The following SUMF1 variants were observed in gnomAD, a reference collection of about 807,000 sequenced individuals.
The protein encoded by SUMF1 is formylglycine-generating enzyme.
Under a neutral mutation model 47.6 loss-of-function variants are expected in SUMF1, and 48 were observed. That is an observed-to-expected ratio of 1.01 (90% CI 0.80 to 1.28). SUMF1 has a LOEUF of 1.28. Ranked by LOEUF, SUMF1 falls within the 50% of genes most tolerant of loss-of-function variation. The pLI, the probability that SUMF1 is intolerant of heterozygous loss-of-function variation, is 0.00. For missense variants in SUMF1, 571 were observed against 485.4 expected, an observed-to-expected ratio of 1.18 and a Z score of -1.66; for synonymous variants, 230 against 192.1, an observed-to-expected ratio of 1.20 and a Z score of -1.63.
At chr3:4,204,592 C>G (rs1023417429) in intron 8 of SUMF1, among the ~76,000 whole-genome samples, 6 of 152,094 alleles carry the variant, frequency 3.9e-5, no homozygotes, top group Admixed American at 6.5e-5. Flanking sequence ...TCTCTACCTC[C>G]TCTTTAAGGC....
At chr3:4,304,570 C>G (rs1198122753) in intron 8 of SUMF1, among the ~76,000 whole-genome samples, 1 of 152,190 alleles carries the variant, frequency 6.6e-6, no homozygotes, top group Non-Finnish European at 1.5e-5. Flanking sequence ...GCTTAGACAT[C>G]TTAGCTACTT....
chr3:4,234,421 T>C (rs1696365334), intron 8 of SUMF1, among the ~76,000 whole-genome samples: 1 of 152,090 alleles, frequency 6.6e-6, no homozygotes, highest in South Asian at 2.1e-4. Flanking sequence ...TCTGCTTTTG[T>C]TTTATCCTCC....
At chr3:4,103,343 G>T (rs1366006198) in intron 8 of SUMF1, among the ~76,000 whole-genome samples, 1 of 152,014 alleles carries the variant, frequency 6.6e-6, no homozygotes, top group Admixed American at 6.6e-5. Context: ...CATATTAGAT[G>T]AATTATAACC....
At chr3:4,350,296 A>T (rs1197579184) in intron 8 of SUMF1, among the ~76,000 whole-genome samples, 1 of 151,946 alleles carries the variant, frequency 6.6e-6, no homozygotes, top group African/African-American at 2.4e-5. Context: ...TTCTGGGATT[A>T]CAGGCTTGAG....
intron 8 of SUMF1, among the ~76,000 whole-genome samples, chr3:4,230,904 C>T (rs1344952937): frequency 6.6e-6 from 1 of 152,116 alleles, no homozygotes; most frequent in African/African-American, 2.4e-5. Flanking sequence ...TATTTTATCA[C>T]ATATGGGTTC....
At chr3:4,395,327 ATT>A (rs1023098161) in intron 7 of SUMF1, among the ~76,000 whole-genome samples, 1 of 151,464 alleles carries the variant, frequency 6.6e-6, no homozygotes. Flanking sequence ...AATAATTTGT[ATT>A]TTTTTTTACC....
chr3:4,386,814 G>C (rs529856427), intron 7 of SUMF1, among the ~76,000 whole-genome samples: 1 of 151,356 alleles, frequency 6.6e-6, no homozygotes, highest in African/African-American at 2.4e-5. Flanking sequence ...TGTTATAAAT[G>C]AGTGTTGAAG....
intron 8 of SUMF1, among the ~76,000 whole-genome samples, chr3:4,218,727 G>A (rs552294754): frequency 5.9e-5 from 9 of 152,234 alleles, no homozygotes; most frequent in Middle Eastern, 3.4e-3. Flanking sequence ...ATTACTACAG[G>A]CAATGAGCAT....
intron 8 of SUMF1, among the ~76,000 whole-genome samples, chr3:4,093,997 T>C (rs1692844982): frequency 6.6e-6 from 1 of 152,090 alleles, no homozygotes; most frequent in Non-Finnish European, 1.5e-5. Context: ...CATTCAAGAA[T>C]GATACAGTAA....
intron 8 of SUMF1, among the ~76,000 whole-genome samples, chr3:4,073,258 T>C (rs150696579): frequency 1.3e-3 from 192 of 152,220 alleles, no homozygotes; most frequent in African/African-American, 4.1e-3. Context: ...AAAGGAGAAA[T>C]AAGATCCTTT....
chr3:4,268,885 TGTGTGC>T (rs919602297), intron 8 of SUMF1, among the ~76,000 whole-genome samples: 2 of 152,184 alleles, frequency 1.3e-5, no homozygotes, highest in Non-Finnish European at 2.9e-5. Context: ...AATGTGTGTG[TGTGTGC>T]GTGTGTGTAT....
At chr3:4,271,514 GATAGA>G (rs869242481) in intron 8 of SUMF1, among the ~76,000 whole-genome samples, 17,048 of 146,354 alleles carry the variant, frequency 0.12, 1,141 homozygotes, top group Middle Eastern at 0.15. Context: ...TAGATAGATA[GATAGA>G]TACAGAGAGG....
intron 1 of SUMF1, among the ~76,000 whole-genome samples, chr3:4,464,791 C>A (rs746346816): frequency 6.6e-6 from 1 of 152,134 alleles, no homozygotes; most frequent in East Asian, 1.9e-4. Context: ...AACAAGACTG[C>A]TTCAGTTTCA....
At chr3:4,391,308 T>C (rs772151888) in intron 7 of SUMF1, among the ~76,000 whole-genome samples, 18 of 152,318 alleles carry the variant, frequency 1.2e-4, no homozygotes, top group Admixed American at 3.3e-4. Flanking sequence ...CTTGGATTTA[T>C]AGATAATCTT....
intron 8 of SUMF1, among the ~76,000 whole-genome samples, chr3:4,134,695 A>G (rs773441888): frequency 4.6e-5 from 7 of 152,118 alleles, no homozygotes; most frequent in Non-Finnish European, 7.4e-5. Flanking sequence ...TGGTTTTTTG[A>G]AAAGATCAAC....
At chr3:4,386,965 G>A (rs1343733656) in intron 7 of SUMF1, among the ~76,000 whole-genome samples, 1 of 151,064 alleles carries the variant, frequency 6.6e-6, no homozygotes, top group Non-Finnish European at 1.5e-5. Flanking sequence ...CAATTATCAT[G>A]TTTTAAAAAA....
At chr3:4,036,830 T>A (rs1574837859) in intron 9 of SUMF1, among the ~76,000 whole-genome samples, 2 of 129,578 alleles carry the variant, frequency 1.5e-5, no homozygotes, top group Middle Eastern at 4.9e-3. Flanking sequence ...GCAAAGCAGA[T>A]CTGCTGAGGT....
chr3:4,223,081 ATT>A (rs1696102266), intron 8 of SUMF1, among the ~76,000 whole-genome samples: 1 of 152,138 alleles, frequency 6.6e-6, no homozygotes, highest in Non-Finnish European at 1.5e-5. Context: ...ATATTTATGA[ATT>A]GATGATTAAT....
At chr3:4,379,840 C>CAAAAAAAAAAAAAAAA in intron 7 of SUMF1, among the ~76,000 whole-genome samples, 1 of 76,882 alleles carries the variant, frequency 1.3e-5, no homozygotes, top group Non-Finnish European at 2.4e-5. Context: ...GCCTCCATCT[C>CAAAAAAAAAAAAAAAA]AAAAAAAAAA....
Sources: gnomAD v4.1 joint callset for allele counts (sites outside exome capture counted in the v4.1 genomes callset) on GRCh38, gnomAD v4.1.1 for gene constraint, MANE v1.5 for transcripts, NCBI Gene and HGNC (gene_info 2026-07-23, HGNC 2026-07-21) for gene names.